GPR89A: variants seen among roughly 807,000 people sequenced by gnomAD.
The protein encoded by GPR89A is golgi pH regulator A.
A neutral mutation model predicts 52.0 loss-of-function variants in GPR89A; 16 were observed. The observed-to-expected ratio is 0.31, with a 90% CI of 0.21 to 0.47. GPR89A has a LOEUF of 0.47. Among genes scored for constraint, GPR89A ranks in the 20% least tolerant of loss-of-function variants. The pLI is 1.00. For missense variants in GPR89A, 135 were observed against 449.4 expected, an observed-to-expected ratio of 0.30 and a Z score of 6.33; for synonymous variants, 55 against 150.9, an observed-to-expected ratio of 0.36 and a Z score of 4.66.
Position 145,629,958 on chromosome 1 carries a change from A to AAACC in GPR89A, c.416-727_416-724dup, listed in dbSNP as rs201036530. Among the ~76,000 whole-genome samples the AAACC allele has an allele frequency of 9.9e-3, 1,506 of 152,320 alleles. 14 individuals carry two copies. The highest frequency in any genetic ancestry group is 0.034 in the Middle Eastern group (10 of 294). Reference sequence around the variant, plus strand: ...ATTCTATCCTAGAAATAGAAAGTGAAAACCAGTTAAAACCATTCTTTTTCT... The same window carrying AAACC: ...ATTCTATCCTAGAAATAGAAAGTGAAAACCAACCAGTTAAAACCATTCTTTTTCT... On this transcript the variant is annotated intron_variant, in intron 5 of 13. Coordinates refer to ENST00000313835, the MANE Select transcript of GPR89A (RefSeq NM_001097612.2).
chr1:145,618,555 C>T, intron 3 of GPR89A, 132 bp downstream of exon 3: 1 of 351,560 alleles, frequency 2.8e-6, no homozygotes, highest in Non-Finnish European at 4.9e-6. Context: ...CTGCAATGAT[C>T]ACAACAGATA....
In GPR89A at chr1:145,669,830, A is replaced by G. The variant is rs2101853375; in HGVS notation, c.1162-4A>G. On this transcript the variant is annotated splice_region_variant and splice_polypyrimidine_tract_variant and intron_variant, in intron 13 of 13. Transcript: ENST00000313835. ...ACTTCTGGATTAATTCATTTGACTT[A>G]CAGGGCATGTACTTTGTCTCCTCTG... 1 of 1,406,314 alleles carries G rather than the reference A, an allele frequency of 7.1e-7. No homozygotes were observed. The allele number at this position is 1,406,314 out of a possible 1,614,324, so 87.1% of individuals were successfully genotyped here. A position where few individuals can be genotyped will look rare whatever the true frequency, so the allele number is the denominator to read the frequency against.
intron 10 of GPR89A, among the ~76,000 whole-genome samples, chr1:145,662,409 G>A (rs1263525483): frequency 6.6e-6 from 1 of 151,704 alleles, no homozygotes; most frequent in East Asian, 1.9e-4. Context: ...AGACATTCTA[G>A]CTTTCTTTTG....
intron 10 of GPR89A, among the ~76,000 whole-genome samples, chr1:145,656,971 A>G (rs1449400719): frequency 1.3e-5 from 2 of 152,116 alleles, no homozygotes; most frequent in African/African-American, 2.4e-5. Context: ...TTAGTCTGCT[A>G]TAGTTGATTA....
intron 12 of GPR89A, among the ~76,000 whole-genome samples, chr1:145,666,704 T>A (rs1223518389): frequency 4.5e-5 from 4 of 89,500 alleles, no homozygotes; most frequent in Non-Finnish European, 8.7e-5. Flanking sequence ...CCCTCCCCCC[T>A]CCCCCCACCC....
At chr1:145,625,012 T>C (rs1427174587) in intron 5 of GPR89A, among the ~76,000 whole-genome samples, 2 of 151,608 alleles carry the variant, frequency 1.3e-5, no homozygotes, top group Non-Finnish European at 1.5e-5. Context: ...GTGTCTATTA[T>C]AGAATCTGCC....
intron 1 of GPR89A, among the ~76,000 whole-genome samples, chr1:145,609,981 C>G (rs1345714451): frequency 6.6e-6 from 1 of 152,122 alleles, no homozygotes; most frequent in African/African-American, 2.4e-5. Context: ...TTCCTCATTT[C>G]CATGTTTTAT....
chr1:145,626,850 G>T (rs146365265), intron 5 of GPR89A, among the ~76,000 whole-genome samples: 4,314 of 149,608 alleles, frequency 0.029, 205 homozygotes, highest in African/African-American at 0.1. Flanking sequence ...CTCCCCGGAG[G>T]CCGGAGACAC....
intron 7 of GPR89A, among the ~76,000 whole-genome samples, chr1:145,641,262 C>T (rs1650635289): frequency 6.6e-6 from 1 of 151,384 alleles, no homozygotes; most frequent in Admixed American, 6.6e-5. Flanking sequence ...GAATATATAC[C>T]GTATGATTCT....
chr1:145,611,539 T>C (rs1648280132), intron 1 of GPR89A: 2 of 152,168 alleles, frequency 1.3e-5, no homozygotes, highest in South Asian at 2.1e-4. Context: ...TGAAAGTCTT[T>C]TTAAGCTTTT....
At chr1:145,658,694 A>G (rs1471007605) in intron 10 of GPR89A, among the ~76,000 whole-genome samples, 2 of 150,874 alleles carry the variant, frequency 1.3e-5, no homozygotes, top group African/African-American at 2.4e-5. Context: ...CACATTTTTT[A>G]TCCATTTATT....
intron 7 of GPR89A, among the ~76,000 whole-genome samples, chr1:145,643,224 G>A (rs1650778033): frequency 2.0e-5 from 3 of 151,854 alleles, no homozygotes; most frequent in Non-Finnish European, 1.5e-5. Flanking sequence ...GGCGTGCAGT[G>A]GTGTGATCTC....
chr1:145,615,173 C>G (rs1465944878), intron 1 of GPR89A, among the ~76,000 whole-genome samples: 2 of 152,074 alleles, frequency 1.3e-5, no homozygotes, highest in African/African-American at 4.8e-5. Context: ...CCTGCAATCT[C>G]TCGGCTTTAC....
chr1:145,622,910 A>G, intron 3 of GPR89A, 144 bp from the exon 4 acceptor site: 1 of 1,211,666 alleles, frequency 8.3e-7, no homozygotes, highest in South Asian at 1.6e-5. Flanking sequence ...ACAAATGAGT[A>G]GATTTTAAGA....
intron 7 of GPR89A, among the ~76,000 whole-genome samples, chr1:145,639,855 T>C (rs1312411021): frequency 4.0e-5 from 6 of 151,600 alleles, no homozygotes; most frequent in Admixed American, 6.6e-5. Flanking sequence ...TTTCACCAAA[T>C]GGTGCTAGAG....
intron 5 of GPR89A, among the ~76,000 whole-genome samples, chr1:145,626,298 G>A (rs1264134263): frequency 1.3e-5 from 2 of 151,922 alleles, no homozygotes; most frequent in Non-Finnish European, 2.9e-5. Flanking sequence ...TCTCCTGTGT[G>A]CATTCAGCTC....
chr1:145,647,374 T>A, intron 10 of GPR89A, 107 bp downstream of exon 10: 1 of 1,524,494 alleles, frequency 6.6e-7, no homozygotes, highest in Non-Finnish European at 8.9e-7. Context: ...CCAAATGTGA[T>A]TGCATCAACA....
intron 10 of GPR89A, among the ~76,000 whole-genome samples, chr1:145,649,832 T>G (rs1553693256): frequency 6.6e-6 from 1 of 151,952 alleles, no homozygotes; most frequent in African/African-American, 2.4e-5. Context: ...CTTGCTAATA[T>G]TAGACATTCT....
chr1:145,630,217 G>A, intron 5 of GPR89A, among the ~76,000 whole-genome samples: 1 of 137,194 alleles, frequency 7.3e-6, no homozygotes, highest in Admixed American at 7.5e-5. Context: ...GTGTTTATTG[G>A]ATGCAAAAAA....
Sources: allele counts gnomAD v4.1 joint callset (sites outside exome capture counted in the v4.1 genomes callset), GRCh38; gene constraint gnomAD v4.1.1; transcripts MANE v1.5; gene names NCBI Gene and HGNC (gene_info 2026-07-23, HGNC 2026-07-21).